The following TANC2 variants were observed in gnomAD, a reference collection of about 807,000 sequenced individuals.
TANC2 encodes tetratricopeptide repeat, ankyrin repeat and coiled-coil containing 2.
TANC2 carries 26 observed loss-of-function variants against 210.5 expected under a neutral mutation model. The ratio of observed to expected loss-of-function variants is 0.12; its 90% confidence interval spans 0.09 to 0.17. The LOEUF is 0.17. Ranked by LOEUF, TANC2 falls within the 10% of genes least tolerant of loss-of-function variation. TANC2 has a pLI of 1.00. For synonymous variants in TANC2, 931 were observed against 967.1 expected, an observed-to-expected ratio of 0.96 and a Z score of 0.69; for missense variants, 2,129 against 2,608.9, an observed-to-expected ratio of 0.82 and a Z score of 4.01.
chr17:63,127,072 G>A (rs2038738457), intron 4 of TANC2, among the ~76,000 whole-genome samples: 1 of 152,198 alleles, frequency 6.6e-6, no homozygotes, highest in Admixed American at 6.5e-5. Context: ...AAAATGGACA[G>A]ATTTAGCTTG....
At chr17:62,996,989 A>G (rs1415873955) in intron 1 of TANC2, among the ~76,000 whole-genome samples, 1 of 134,962 alleles carries the variant, frequency 7.4e-6, no homozygotes, top group Non-Finnish European at 1.6e-5. Context: ...AATTTTTTGT[A>G]TTTTTAGTAT....
intron 9 of TANC2, among the ~76,000 whole-genome samples, chr17:63,310,914 G>A (rs944611459): frequency 5.9e-5 from 9 of 152,116 alleles, no homozygotes; most frequent in African/African-American, 2.2e-4. Flanking sequence ...TTCACTTCTA[G>A]CATTTTGTTT....
intron 10 of TANC2, 136 bp from the exon 11 acceptor site, chr17:63,318,821 G>C (rs1307084201): frequency 6.0e-6 from 6 of 1,005,680 alleles, no homozygotes; most frequent in Non-Finnish European, 2.9e-6. Flanking sequence ...GTTTTTGGGT[G>C]GACATGTGTT....
intron 4 of TANC2, among the ~76,000 whole-genome samples, chr17:63,126,511 C>T (rs534745404): frequency 6.6e-5 from 10 of 152,156 alleles, no homozygotes; most frequent in East Asian, 1.9e-4. Flanking sequence ...TGGGTTCAAG[C>T]GATTCTCCTG....
chr17:63,371,697 C>T (rs1213705396), intron 14 of TANC2, among the ~76,000 whole-genome samples: 1 of 152,080 alleles, frequency 6.6e-6, no homozygotes, highest in Non-Finnish European at 1.5e-5. Context: ...TAAGTGAAAA[C>T]CTATTAGAAA....
At chr17:63,403,839 G>A (rs989183910) in intron 19 of TANC2, among the ~76,000 whole-genome samples, 3 of 152,098 alleles carry the variant, frequency 2.0e-5, no homozygotes, top group Non-Finnish European at 2.9e-5. Flanking sequence ...TTATACTTGC[G>A]GAAATTACAG....
intron 7 of TANC2, among the ~76,000 whole-genome samples, chr17:63,203,906 C>T (rs1043697625): frequency 3.9e-5 from 6 of 151,918 alleles, no homozygotes; most frequent in Middle Eastern, 3.2e-3. Flanking sequence ...TAACAAATGA[C>T]GAAAGTTGAG....
chr17:63,262,537 C>T (rs2043396230), intron 8 of TANC2, among the ~76,000 whole-genome samples: 1 of 152,126 alleles, frequency 6.6e-6, no homozygotes, highest in South Asian at 2.1e-4. Context: ...GTGTCCTTTG[C>T]CCTAAGCCAG....
chr17:63,161,107 G>T (rs1028533768), intron 5 of TANC2, among the ~76,000 whole-genome samples: 1 of 152,156 alleles, frequency 6.6e-6, no homozygotes, highest in Non-Finnish European at 1.5e-5. Flanking sequence ...ATCCTTTAAT[G>T]AGTTTTCTCA....
intron 11 of TANC2, among the ~76,000 whole-genome samples, chr17:63,330,509 A>G (rs2045802895): frequency 1.3e-5 from 2 of 152,208 alleles, no homozygotes; most frequent in African/African-American, 4.8e-5. Flanking sequence ...TGGGTTCCAA[A>G]TTCTTAAAGG....
At chr17:63,179,406 C>T (rs2040700507) in intron 5 of TANC2, among the ~76,000 whole-genome samples, 2 of 152,100 alleles carry the variant, frequency 1.3e-5, no homozygotes. Context: ...AGAACTTAAT[C>T]TTTGTGTACC....
chr17:62,973,983 C>T (rs1383652196), intron 1 of TANC2, among the ~76,000 whole-genome samples: 1 of 152,210 alleles, frequency 6.6e-6, no homozygotes, highest in East Asian at 1.9e-4. Flanking sequence ...CTACTAGTTG[C>T]TGTCGAGACC....
chr17:63,028,074 G>A (rs2034628120), intron 2 of TANC2, among the ~76,000 whole-genome samples: 1 of 151,870 alleles, frequency 6.6e-6, no homozygotes, highest in African/African-American at 2.4e-5. Flanking sequence ...CAGAAGTCCC[G>A]GTTCTTTAGA....
chr17:63,221,620 C>T (rs918556891), intron 7 of TANC2, among the ~76,000 whole-genome samples: 3 of 152,196 alleles, frequency 2.0e-5, no homozygotes, highest in African/African-American at 7.2e-5. Context: ...TGAACAGATA[C>T]TTCACAGATG....
intron 19 of TANC2, among the ~76,000 whole-genome samples, chr17:63,401,497 G>A (rs1359675420): frequency 3.3e-5 from 5 of 152,158 alleles, no homozygotes; most frequent in Non-Finnish European, 5.9e-5. Flanking sequence ...TTAAAATGTA[G>A]AGGGAGAAAG....
chr17:63,405,046 G>T, intron 19 of TANC2, 76 bp from the exon 20 acceptor site: 1 of 1,395,618 alleles, frequency 7.2e-7, no homozygotes. Context: ...TGAAACACAA[G>T]GATATGTCAC....
chr17:63,091,789 A>C (rs1161165721), intron 3 of TANC2, among the ~76,000 whole-genome samples: 3 of 152,152 alleles, frequency 2.0e-5, no homozygotes, highest in African/African-American at 7.2e-5. Context: ...TTGAATCTAT[A>C]AATTACCTTG....
intron 5 of TANC2, among the ~76,000 whole-genome samples, chr17:63,170,784 C>G (rs774949346): frequency 1.8e-4 from 27 of 152,256 alleles, no homozygotes; most frequent in Middle Eastern, 3.4e-3. Flanking sequence ...GTTCCCTTTT[C>G]AAGGAGGCTT....
chr17:63,099,760 A>G (rs1405989618), intron 4 of TANC2, among the ~76,000 whole-genome samples: 2 of 152,102 alleles, frequency 1.3e-5, no homozygotes, highest in Admixed American at 6.6e-5. Flanking sequence ...ATTTTATTTG[A>G]AATTGCTATT....
Sources: allele counts gnomAD v4.1 joint callset (sites outside exome capture counted in the v4.1 genomes callset), GRCh38; gene constraint gnomAD v4.1.1; transcripts MANE v1.5; gene names NCBI Gene and HGNC (gene_info 2026-07-23, HGNC 2026-07-21).